The following PLEKHM2 variants were observed in gnomAD, a reference collection of about 807,000 sequenced individuals.
PLEKHM2 encodes the protein pleckstrin homology and RUN domain containing M2.
PLEKHM2 carries 77 observed loss-of-function variants against 116.3 expected under a neutral mutation model. The observed-to-expected ratio is 0.66, with a 90% CI of 0.55 to 0.80. The LOEUF is 0.80. Among genes scored for constraint, PLEKHM2 ranks in the 30% least tolerant of loss-of-function variants. PLEKHM2 has a pLI of 0.00. For missense variants in PLEKHM2, 1,183 were observed against 1,354.9 expected (o/e 0.87, Z 1.99); for synonymous variants, 562 against 571.0 (o/e 0.98, Z 0.22).
At chr1:15,691,232 G>C (rs1198025697) in intron 1 of PLEKHM2, among the ~76,000 whole-genome samples, 1 of 152,088 alleles carries the variant, frequency 6.6e-6, no homozygotes, top group East Asian at 1.9e-4. Flanking sequence ...ACCACGTCCA[G>C]CTAATTTTTA....
At chr1:15,716,935 G>A (rs1571051342) in intron 3 of PLEKHM2, 119 bp downstream of exon 3, 2 of 1,258,324 alleles carry the variant, frequency 1.6e-6, no homozygotes, top group Middle Eastern at 2.7e-4. Flanking sequence ...ACCTGGTGGT[G>A]TCCAGTAGCA....
chr1:15,727,863 C>A lies in PLEKHM2; in HGVS notation c.1760+31C>A. The A allele has an allele frequency of 6.8e-7, 1 of 1,478,042 alleles. No individual in the cohort carries two copies. Among genetic ancestry groups the A allele is most frequent in the East Asian group, 2.4e-5 (1 of 41,184 alleles). The allele number at this position is 1,478,042 out of a possible 1,614,324, so 91.6% of individuals were successfully genotyped here. A position where few individuals can be genotyped will look rare whatever the true frequency, so the allele number is the denominator to read the frequency against. On this transcript the variant is annotated intron_variant, in intron 9 of 19. Transcript: ENST00000375799. This position sits in a 1 kb window ranked among gnomAD's most constrained non-coding sequence, Gnocchi z 7.5. ...AAGACTCTGCAGCTGGCATGGGACT[C>A]TCCCAGCCCTTGAAGCTGGGGACAC...
Position 15,697,741 on chromosome 1 carries a change from C to T in PLEKHM2, c.60+13123C>T, listed in dbSNP as rs572213450. ...TGCAGTGGTGCAATCACAGCTACTG[C>T]AGCCTCTGCCTACCAAGTAGCTGGG... On this transcript the variant is annotated intron_variant, in intron 1 of 19. Transcript: ENST00000375799. 1.7e-4 allele frequency among the ~76,000 whole-genome samples: 26 copies of T among 152,244 alleles called. No homozygotes were observed. In the South Asian group the frequency reaches 4.8e-3, roughly 28 times the overall value.
intron 1 of PLEKHM2, among the ~76,000 whole-genome samples, chr1:15,699,806 A>G (rs1641073869): frequency 6.6e-6 from 1 of 152,036 alleles, no homozygotes; most frequent in Admixed American, 6.6e-5. Flanking sequence ...TTATTATATT[A>G]CATAAATATA....
intron 1 of PLEKHM2, among the ~76,000 whole-genome samples, chr1:15,712,972 TG>T (rs1437060397): frequency 1.3e-5 from 2 of 152,198 alleles, no homozygotes; most frequent in Non-Finnish European, 2.9e-5. Flanking sequence ...AGCTAATTTT[TG>T]TATTTTTAGT....
rs370753597 is a variant in PLEKHM2 at position 15,684,609 on chromosome 1, G to A, written c.51G>A (p.Ser17=). The A allele has an allele frequency of 1.4e-4, 177 of 1,303,116 alleles. No homozygotes were observed. The highest frequency in any genetic ancestry group is 1.7e-4 in the Non-Finnish European group (171 of 1,013,614). The allele number at this position is 1,303,116 out of a possible 1,614,324, so 80.7% of individuals were successfully genotyped here. The change falls in exon 1 of 20, where the codon TCG becomes TCA. Residue 17 remains serine (S), a synonymous_variant. Transcript: ENST00000375799. ...GGATCCTGGAGAACATCTCGCTGTC[G>A]GTGAAGAAGGTGAGCGCGGCCTCCC... The part of the protein sequence containing the change: ...KDRILENISL[S]VKKLQSYFAA...
At chr1:15,699,384 G>A (rs1056179212) in intron 1 of PLEKHM2, among the ~76,000 whole-genome samples, 2 of 151,876 alleles carry the variant, frequency 1.3e-5, no homozygotes, top group Non-Finnish European at 2.9e-5. Flanking sequence ...GATGTTCCCC[G>A]CCCCGTGTCC....
At chr1:15,718,116 C>A in intron 4 of PLEKHM2, 124 bp downstream of exon 4, 2 of 680,998 alleles carry the variant, frequency 2.9e-6, no homozygotes, top group Non-Finnish European at 5.2e-6. Context: ...CCATTAGAAC[C>A]TTGCCAGTAG....
rs1440669155 is a variant in PLEKHM2 at position 15,728,964 on chromosome 1, C to G, written c.1987-138C>G. ...GTCCCTCCCTCACTCATGCCAGCCC[C>G]TGGCCTCTGGGGCTTTACTTGGTGG... is the stretch of plus-strand genomic sequence containing the variant. On this transcript the variant is annotated intron_variant, in intron 12 of 19. Transcript: ENST00000375799. This position sits in a 1 kb window ranked among gnomAD's most constrained non-coding sequence, Gnocchi z 5.9. 8.2e-6 allele frequency: 7 copies of G among 851,864 alleles called. No individual in the cohort carries two copies. Among genetic ancestry groups the G allele is most frequent in the Non-Finnish European group, 9.4e-6 (5 of 529,202 alleles). 52.8% of individuals were successfully genotyped at this position (851,864 alleles called of 1,614,324 possible).
rs971661979 is a variant in PLEKHM2, at chr1:15,729,536, C to T, written c.2076-261C>T. 1.3e-5 allele frequency among the ~76,000 whole-genome samples: 2 copies of T among 152,186 alleles called. No homozygotes were observed. Among genetic ancestry groups the T allele is most frequent in the Non-Finnish European group, 2.9e-5 (2 of 68,028 alleles). The stretch of plus-strand genomic sequence containing the variant: ...CAAGGTCCCACCCGTTGACGTCCTG[C>T]CCACCCTCTTTGTCTGTCTTCCCTC... On this transcript the variant is annotated intron_variant, in intron 13 of 19. Coordinates refer to ENST00000375799, the MANE Select transcript of PLEKHM2 (RefSeq NM_015164.4). The surrounding 1 kb of genome is among the most constrained non-coding windows in gnomAD (Gnocchi z 4.7).
intron 1 of PLEKHM2, among the ~76,000 whole-genome samples, chr1:15,698,545 C>CTTT (rs1641046821): frequency 8.7e-6 from 1 of 115,512 alleles, no homozygotes; most frequent in African/African-American, 4.2e-5. Flanking sequence ...TTCTTTCTTT[C>CTTT]TTTCTTTTTT....
chr1:15,684,584 G>A lies in PLEKHM2; in HGVS notation c.26G>A (p.Arg9Gln), dbSNP rs1433076405. Reference protein sequence around the residue: MEPGEVKDRILENISLSVK... With the variant: MEPGEVKDQILENISLSVK... ...ATGGAGCCGGGGGAGGTGAAGGACC[G>A]GATCCTGGAGAACATCTCGCTGTCG... is the stretch of plus-strand genomic sequence containing the variant. The change falls in exon 1 of 20, where the codon CGG becomes CAG. Residue 9 changes from arginine (R) to glutamine (Q), a missense_variant. Physicochemically the swap from Arg to Gln is conservative, Grantham distance 43. Transcript: ENST00000375799. 2 of 1,311,378 alleles carry A rather than the reference G, an allele frequency of 1.5e-6. No individual in the cohort carries two copies. Among genetic ancestry groups the A allele is most frequent in the Non-Finnish European group, 2.0e-6 (2 of 1,016,610 alleles). The allele number at this position is 1,311,378 out of a possible 1,614,324, so 81.2% of individuals were successfully genotyped here. A position where few individuals can be genotyped will look rare whatever the true frequency, so the allele number is the denominator to read the frequency against.
At chr1:15,703,195 T>TGCCAG (rs1399186402) in intron 1 of PLEKHM2, among the ~76,000 whole-genome samples, 2 of 152,194 alleles carry the variant, frequency 1.3e-5, no homozygotes, top group African/African-American at 2.4e-5. Context: ...GAGTCGAACC[T>TGCCAG]GCCAGGCCAG....
At chr1:15,696,658 TTTG>T (rs1250512051) in intron 1 of PLEKHM2, among the ~76,000 whole-genome samples, 1 of 152,192 alleles carries the variant, frequency 6.6e-6, no homozygotes, top group Non-Finnish European at 1.5e-5. Context: ...GGCACAAATA[TTTG>T]TTGAGTGAGT....
chr1:15,727,535 G>A lies in PLEKHM2; in HGVS notation c.1463G>A (p.Gly488Asp), dbSNP rs1278287612. The change falls in exon 9 of 20, where the codon GGC becomes GAC. Residue 488 changes from glycine to aspartate, a missense_variant. Physicochemically the swap from Gly to Asp is moderately conservative, Grantham distance 94 (BLOSUM62 -1). Coordinates refer to ENST00000375799, the MANE Select transcript of PLEKHM2 (RefSeq NM_015164.4). This position sits in a 1 kb window ranked among gnomAD's most constrained non-coding sequence, Gnocchi z 7.5. The part of the protein sequence containing the change: ...GGGHHDPAGL[G>D]QPLHVPSSPE... ...GGCCACCATGACCCTGCAGGGCTTG[G>A]CCAACCGCTGCATGTTCCTAGTAGC... 1.9e-6 allele frequency: 3 copies of A among 1,575,618 alleles called. No homozygotes were observed. The highest frequency in any genetic ancestry group is 2.6e-6 in the Non-Finnish European group (3 of 1,161,378).
Position 15,730,523 on chromosome 1 carries a change from C to G in PLEKHM2, c.2209-9C>G. 2 of 1,553,240 alleles carry G rather than the reference C, an allele frequency of 1.3e-6. No individual in the cohort carries two copies. The highest frequency in any genetic ancestry group is 1.7e-6 in the Non-Finnish European group (2 of 1,148,294). Reference sequence around the variant, plus strand: ...CTTGCTTTGTCCCCCGTGCCCGCCCCCGCATCAGGCATCTGCTGTCACCGT... The same window carrying G: ...CTTGCTTTGTCCCCCGTGCCCGCCCGCGCATCAGGCATCTGCTGTCACCGT... On this transcript the variant is annotated splice_polypyrimidine_tract_variant and intron_variant, in intron 14 of 19. Transcript: ENST00000375799.
rs1571076818 is a variant in PLEKHM2 at position 15,732,652 on chromosome 1, T to G, written c.2846T>G (p.Val949Gly). 2.5e-6 allele frequency: 4 copies of G among 1,609,182 alleles called. No individual in the cohort carries two copies. Among genetic ancestry groups the G allele is most frequent in the Admixed American group, 3.4e-5 (2 of 59,382 alleles). ...QDSQQLLPPW[V>G]IYLSCTSELD... ...AGCCAGCAGCTCCTCCCGCCCTGGG[T>G]CATCTACCTGAGCTGCACTTCTGAA... Residue 949 changes from valine to glycine, a missense_variant, in exon 19 of 20, where the codon GTC becomes GGC. By Grantham distance (109) the Val-to-Gly change is moderately radical. Around this residue, in one of 3 missense-constraint regions of PLEKHM2, gnomAD observed 594 missense variants for 720.1 expected, o/e 0.82. Coordinates refer to ENST00000375799, the MANE Select transcript of PLEKHM2 (RefSeq NM_015164.4).
rs2068107059 is a variant in PLEKHM2, at chr1:15,729,263, G to T, written c.2075+73G>T. ...GCCCATAGGTGTGGGTGGCCTGGGG[G>T]TCAGGGGTGGAGGTGGAAAGTGGGA... On this transcript the variant is annotated intron_variant, in intron 13 of 19. Transcript: ENST00000375799. The surrounding 1 kb of genome is among the most constrained non-coding windows in gnomAD (Gnocchi z 4.7). 4 of 1,290,718 alleles carry T rather than the reference G, an allele frequency of 3.1e-6. No individual in the cohort carries two copies. Among genetic ancestry groups the T allele is most frequent in the Admixed American group, 3.9e-5 (2 of 51,216 alleles). The allele number at this position is 1,290,718 out of a possible 1,614,324, so 80.0% of individuals were successfully genotyped here.
At chr1:15,700,705 C>T (rs978107557) in intron 1 of PLEKHM2, among the ~76,000 whole-genome samples, 14 of 152,166 alleles carry the variant, frequency 9.2e-5, no homozygotes, top group African/African-American at 2.9e-4. Flanking sequence ...TTCTGCTCTT[C>T]GATAATGAAA....
Sources: allele counts gnomAD v4.1 joint callset (sites outside exome capture counted in the v4.1 genomes callset), GRCh38; gene constraint gnomAD v4.1.1; regional missense constraint gnomAD v4.1.1; non-coding constraint Gnocchi (gnomAD v3.1); transcripts MANE v1.5; gene names NCBI Gene and HGNC (gene_info 2026-07-23, HGNC 2026-07-21).